Variants in CHRNB2 observed in about 807,000 individuals in gnomAD.
The protein encoded by CHRNB2 is cholinergic receptor nicotinic beta 2 subunit, also known as neuronal acetylcholine receptor subunit beta-2.
CHRNB2 carries 33 observed loss-of-function variants against 42.7 expected under a neutral mutation model. The observed-to-expected ratio is 0.77, with a 90% CI of 0.59 to 1.03. The LOEUF (loss-of-function observed/expected upper bound fraction) is 1.03, where lower values mean the gene tolerates loss of function less well. Ranked by LOEUF, CHRNB2 falls within the 50% of genes least tolerant of loss-of-function variation. CHRNB2 has a pLI of 0.00. For synonymous variants in CHRNB2, 325 were observed against 292.9 expected, an observed-to-expected ratio of 1.11 and a Z score of -1.12; for missense variants, 603 against 700.9, an observed-to-expected ratio of 0.86 and a Z score of 1.58.
At position 154,578,702 on chromosome 1, in the gene CHRNB2, C is replaced by T. The variant is rs1696330799; in HGVS notation, c.*2770C>T. On this transcript the variant is annotated 3_prime_UTR_variant, in exon 6 of 6. Transcript: ENST00000368476. ...TTTGGGGAACCACAGTCTCTTCCACCCTTGGGTCGTGTGTCGTCCTCTTCT... is the reference window on the plus strand; with the variant it reads ...TTTGGGGAACCACAGTCTCTTCCACTCTTGGGTCGTGTGTCGTCCTCTTCT... 1 of 152,224 alleles carries T rather than the reference C, an allele frequency of 6.6e-6. No homozygotes were observed. The highest frequency in any genetic ancestry group is 6.5e-5 in the Admixed American group (1 of 15,280). The allele number at this position is 152,224 out of a possible 1,614,324, so 9.4% of individuals were successfully genotyped here.
chr1:154,571,698 T>C lies in CHRNB2; in HGVS notation c.875T>C (p.Leu292Pro). The change falls in exon 5 of 6, where the codon CTC becomes CCC. Residue 292 changes from leucine (L) to proline (P), a missense_variant. By Grantham distance (98) the Leu-to-Pro change is moderately conservative. This residue lies in a region of CHRNB2 where 333 missense variants were observed against 452.6 expected (regional missense o/e 0.74). Transcript: ENST00000368476. This position sits in a 1 kb window ranked among gnomAD's most constrained non-coding sequence, Gnocchi z 6.8. The stretch of plus-strand genomic sequence containing the variant: ...TCCAAGATCGTGCCTCCCACCTCCC[T>C]CGACGTGCCGCTCGTCGGCAAGTAC... ...LISKIVPPTS[L>P]DVPLVGKYLM... 6.2e-7 allele frequency: 1 copy of C among 1,610,264 alleles called. No homozygotes were observed. The highest frequency in any genetic ancestry group is 8.5e-7 in the Non-Finnish European group (1 of 1,178,158).
Position 154,571,225 on chromosome 1 carries a change from T to C in CHRNB2, c.402T>C (p.Asn134=), listed in dbSNP as rs760458701. 9 of 1,614,096 alleles carry C rather than the reference T, an allele frequency of 5.6e-6. No individual in the cohort carries two copies. In the African/African-American group the frequency reaches 1.1e-4, roughly 19 times the overall value. ...TGTACGAGGTGTCCTTCTATTCCAATGCCGTGGTCTCCTATGATGGCAGCA... is the reference window on the plus strand; with the variant it reads ...TGTACGAGGTGTCCTTCTATTCCAACGCCGTGGTCTCCTATGATGGCAGCA... The part of the protein sequence containing the change: ...DGMYEVSFYS[N]AVVSYDGSIF... Residue 134 remains asparagine (N), a synonymous_variant, in exon 5 of 6, where the codon AAT becomes AAC. Coordinates refer to ENST00000368476, the MANE Select transcript of CHRNB2 (RefSeq NM_000748.3). This position sits in a 1 kb window ranked among gnomAD's most constrained non-coding sequence, Gnocchi z 6.8.
rs202151842 is a variant in CHRNB2, at chr1:154,578,053, A to G, written c.*2121A>G. On this transcript the variant is annotated 3_prime_UTR_variant, in exon 6 of 6. Coordinates refer to ENST00000368476, the MANE Select transcript of CHRNB2 (RefSeq NM_000748.3). ...TGGTAGCAGGGAGTGTCTCTGCACT[A>G]TGGAAACTTTCCCTCTTCTAGAGCG... 3 of 152,252 alleles carry G rather than the reference A, an allele frequency of 2.0e-5. No individual in the cohort carries two copies. Among genetic ancestry groups the G allele is most frequent in the Admixed American group, 1.3e-4 (2 of 15,280 alleles). The allele number at this position is 152,252 out of a possible 1,614,324, so 9.4% of individuals were successfully genotyped here.
At chr1:154,572,332 G>A (rs1250829574) in intron 5 of CHRNB2, among the ~76,000 whole-genome samples, 171 bp downstream of exon 5, 3 of 152,216 alleles carry the variant, frequency 2.0e-5, no homozygotes, top group Admixed American at 2.0e-4. Flanking sequence ...GCCCTTCTGG[G>A]TTGGCTTCCG....
chr1:154,577,914 C>T lies in CHRNB2; in HGVS notation c.*1982C>T, dbSNP rs1431077407. 1 of 152,330 alleles carries T rather than the reference C, an allele frequency of 6.6e-6. No homozygotes were observed. Among genetic ancestry groups the T allele is most frequent in the Non-Finnish European group, 1.5e-5 (1 of 68,130 alleles). The allele number at this position is 152,330 out of a possible 1,614,324, so 9.4% of individuals were successfully genotyped here. ...CAGGTGTGTGCTCAGGGACCCCAGGCTCTAGTCCTGTACTGGCTGTGGAAG... is the reference window on the plus strand; with the variant it reads ...CAGGTGTGTGCTCAGGGACCCCAGGTTCTAGTCCTGTACTGGCTGTGGAAG... On this transcript the variant is annotated 3_prime_UTR_variant, in exon 6 of 6. Transcript: ENST00000368476.
intron 5 of CHRNB2, among the ~76,000 whole-genome samples, chr1:154,575,498 T>C (rs1242109950): frequency 6.6e-6 from 1 of 152,026 alleles, no homozygotes; most frequent in East Asian, 1.9e-4. Context: ...GGTAGGGCTA[T>C]GTTATGGGGT....
rs56205574 is a variant in CHRNB2, at chr1:154,567,923, C to A, written c.-122C>A. On this transcript the variant is annotated 5_prime_UTR_variant, in exon 1 of 6. Transcript: ENST00000368476. The stretch of plus-strand genomic sequence containing the variant: ...CCAGGAACCACCGCGGCGGCCGGCA[C>A]CACCTGGACCCAGCTCCAGGCGGGC... 1.1e-3 allele frequency: 967 copies of A among 902,442 alleles called. 6 individuals carry two copies. The highest frequency in any genetic ancestry group is 1.2e-3 in the Non-Finnish European group (771 of 653,610). The allele number at this position is 902,442 out of a possible 1,614,324, so 55.9% of individuals were successfully genotyped here.
At position 154,567,994 on chromosome 1, in the gene CHRNB2, C is replaced by T. The variant is rs111862660; in HGVS notation, c.-51C>T. 3 of 1,480,666 alleles carry T rather than the reference C, an allele frequency of 2.0e-6. No individual in the cohort carries two copies. Among genetic ancestry groups the T allele is most frequent in the Non-Finnish European group, 2.7e-6 (3 of 1,119,840 alleles). The allele number at this position is 1,480,666 out of a possible 1,614,324, so 91.7% of individuals were successfully genotyped here. On this transcript the variant is annotated 5_prime_UTR_variant, in exon 1 of 6. Transcript: ENST00000368476. ...AGCGCCCCACCCGCGGCCCTCCCCC[C>T]GGCGGCGCGCTCCAGCCGGTGTAGG... is the stretch of plus-strand genomic sequence containing the variant.
chr1:154,572,184 C>T, intron 5 of CHRNB2, 23 bp downstream of exon 5: 1 of 1,535,862 alleles, frequency 6.5e-7, no homozygotes, highest in South Asian at 1.2e-5. Context: ...GGCTGGGACC[C>T]CGGGCGTGAG....
At chr1:154,575,378 G>C (rs1393845163) in intron 5 of CHRNB2, among the ~76,000 whole-genome samples, 1 of 152,198 alleles carries the variant, frequency 6.6e-6, no homozygotes, top group Non-Finnish European at 1.5e-5. Context: ...TGTTTGATTT[G>C]GGCTTTGAAA....
chr1:154,571,813 C>T lies in CHRNB2; in HGVS notation c.990C>T (p.Thr330=), dbSNP rs201825924. The part of the protein sequence containing the change: ...NVHHRSPTTH[T]MAPWVKVVFL... The stretch of plus-strand genomic sequence containing the variant: ...ACCACCGCTCGCCCACCACGCACAC[C>T]ATGGCGCCCTGGGTGAAGGTCGTCT... The change falls in exon 5 of 6, where the codon ACC becomes ACT. Residue 330 remains threonine, a synonymous_variant. Transcript: ENST00000368476. The surrounding 1 kb of genome is among the most constrained non-coding windows in gnomAD (Gnocchi z 6.8). 5 of 1,613,830 alleles carry T rather than the reference C, an allele frequency of 3.1e-6. No individual in the cohort carries two copies. Among genetic ancestry groups the T allele is most frequent in the African/African-American group, 1.3e-5 (1 of 74,960 alleles).
intron 1 of CHRNB2, among the ~76,000 whole-genome samples, chr1:154,569,163 G>A (rs1696115267): frequency 6.6e-6 from 1 of 151,980 alleles, no homozygotes; most frequent in Admixed American, 6.5e-5. Flanking sequence ...ATCTCAAACT[G>A]CCCTCTGAGA....
At position 154,572,097 on chromosome 1, in the gene CHRNB2, G is replaced by A. The variant is rs1297056479; in HGVS notation, c.1274G>A (p.Arg425Gln). 3.9e-6 allele frequency: 6 copies of A among 1,536,600 alleles called. No individual in the cohort carries two copies. The highest frequency in any genetic ancestry group is 2.4e-5 in the East Asian group (1 of 40,876). ...GGGGAGCCGTGTGGCTGTGGCCTCCGGGAGGCGGTGGACGGCGTGCGCTTC... is the reference window on the plus strand; with the variant it reads ...GGGGAGCCGTGTGGCTGTGGCCTCCAGGAGGCGGTGGACGGCGTGCGCTTC... ...RSGEPCGCGL[R>Q]EAVDGVRFIA... Residue 425 changes from arginine (R) to glutamine (Q), a missense_variant, in exon 5 of 6, where the codon CGG becomes CAG. Physicochemically the swap from Arg to Gln is conservative, Grantham distance 43 (BLOSUM62 1). This residue lies in a region of CHRNB2 where 270 missense variants were observed against 248.3 expected (regional missense o/e 1.09). Transcript: ENST00000368476.
In CHRNB2 at chr1:154,572,125, C is replaced by T; in HGVS notation, c.1302C>T (p.Ile434=). 4 of 1,537,816 alleles carry T rather than the reference C, an allele frequency of 2.6e-6. No homozygotes were observed. Among genetic ancestry groups the T allele is most frequent in the Non-Finnish European group, 3.5e-6 (4 of 1,146,676 alleles). Residue 434 remains isoleucine, a synonymous_variant, in exon 5 of 6, where the codon ATC becomes ATT. Coordinates refer to ENST00000368476, the MANE Select transcript of CHRNB2 (RefSeq NM_000748.3). Reference sequence around the variant, plus strand: ...AGGCGGTGGACGGCGTGCGCTTCATCGCAGACCACATGCGGAGCGAGGACG... The same window carrying T: ...AGGCGGTGGACGGCGTGCGCTTCATTGCAGACCACATGCGGAGCGAGGACG... ...LREAVDGVRF[I]ADHMRSEDDD...
chr1:154,572,542 G>A (rs1350028103), intron 5 of CHRNB2, among the ~76,000 whole-genome samples: 2 of 152,050 alleles, frequency 1.3e-5, no homozygotes, highest in Non-Finnish European at 2.9e-5. Context: ...CTGCTTGCAT[G>A]CCCACATCCA....
In CHRNB2 at chr1:154,572,262, G is replaced by A. The variant is rs893344333; in HGVS notation, c.1338+101G>A. ...GTTCTATAGACATGCAGAGGTAGTA[G>A]GAGTGTAGGGGAGGAAAATGTGAGT... On this transcript the variant is annotated intron_variant, in intron 5 of 5. Coordinates refer to ENST00000368476, the MANE Select transcript of CHRNB2 (RefSeq NM_000748.3). The A allele has an allele frequency of 3.7e-5, 56 of 1,512,000 alleles. No individual in the cohort carries two copies. The Middle Eastern group carries it at 7.0e-4, about 19-fold the overall frequency. 93.7% of individuals were successfully genotyped at this position (1,512,000 alleles called of 1,614,324 possible).
Position 154,571,714 on chromosome 1 carries a change from C to T in CHRNB2, c.891C>T (p.Val297=), listed in dbSNP as rs750455908. The change falls in exon 5 of 6, where the codon GTC becomes GTT. Residue 297 remains valine (V), a synonymous_variant. Coordinates refer to ENST00000368476, the MANE Select transcript of CHRNB2 (RefSeq NM_000748.3). The surrounding 1 kb of genome is among the most constrained non-coding windows in gnomAD (Gnocchi z 6.8). ...VPPTSLDVPL[V]GKYLMFTMVL... ...CCACCTCCCTCGACGTGCCGCTCGT[C>T]GGCAAGTACCTCATGTTCACCATGG... The T allele has an allele frequency of 8.7e-6, 14 of 1,614,094 alleles. No individual in the cohort carries two copies. Among genetic ancestry groups the T allele is most frequent in the Admixed American group, 1.7e-5 (1 of 60,014 alleles).
chr1:154,570,181 C>T (rs1696135670), intron 3 of CHRNB2, 77 bp from the exon 4 acceptor site: 5 of 943,920 alleles, frequency 5.3e-6, no homozygotes, highest in African/African-American at 1.6e-5. Context: ...CCATATGGGC[C>T]CCCTCTAGTT....
rs1409211664 is a variant in CHRNB2, at chr1:154,579,291, T to C, written c.*3359T>C. On this transcript the variant is annotated 3_prime_UTR_variant, in exon 6 of 6. Coordinates refer to ENST00000368476, the MANE Select transcript of CHRNB2 (RefSeq NM_000748.3). ...TCTGCTCTGCGCCAGGTCCTCAGCA[T>C]GCGTTGTCTTTATTCCGCGTGACAA... 6.6e-6 allele frequency: 1 copy of C among 152,232 alleles called. No individual in the cohort carries two copies. The allele number at this position is 152,232 out of a possible 1,614,324, so 9.4% of individuals were successfully genotyped here. A position where few individuals can be genotyped will look rare whatever the true frequency, so the allele number is the denominator to read the frequency against.
Sources: allele counts gnomAD v4.1 joint callset (sites outside exome capture counted in the v4.1 genomes callset), GRCh38; gene constraint gnomAD v4.1.1; regional missense constraint gnomAD v4.1.1; non-coding constraint Gnocchi (gnomAD v3.1); transcripts MANE v1.5; gene names NCBI Gene and HGNC (gene_info 2026-07-23, HGNC 2026-07-21).